Variants in TEX26 observed in about 807,000 individuals in gnomAD.
TEX26 encodes testis expressed 26.
A neutral mutation model predicts 35.3 loss-of-function variants in TEX26; 34 were observed. That is an observed-to-expected ratio of 0.96 (90% CI 0.73 to 1.28). The LOEUF (loss-of-function observed/expected upper bound fraction) is 1.28, where lower values mean the gene tolerates loss of function less well. Among genes scored for constraint, TEX26 ranks in the 50% most tolerant of loss-of-function variants. TEX26 has a pLI of 0.00. For missense variants in TEX26, 371 were observed against 330.1 expected, an observed-to-expected ratio of 1.12 and a Z score of -0.96; for synonymous variants, 136 against 111.8, an observed-to-expected ratio of 1.22 and a Z score of -1.36.
Position 30,952,754 on chromosome 13 carries a change from C to A in TEX26, c.241C>A (p.His81Asn), listed in dbSNP as rs1953977311. The A allele has an allele frequency of 6.2e-7, 1 of 1,612,830 alleles. No individual in the cohort carries two copies. The highest frequency in any genetic ancestry group is 8.5e-7 in the Non-Finnish European group (1 of 1,179,458). ...QYSDEYTWKS[H>N]SKEDLIKTET... ...TAGTGATGAGTACACTTGGAAATCA[C>A]ACTCTAAAGAAGATTTGATCAAAAC... The change falls in exon 3 of 7, where the codon CAC (histidine) becomes AAC (asparagine). Residue 81 changes from histidine (H) to asparagine (N), a missense_variant. His to Asn is a moderately conservative substitution (Grantham distance 68). Coordinates refer to ENST00000380473, the MANE Select transcript of TEX26 (RefSeq NM_152325.3).
chr13:30,943,917 T>C (rs1953606715), intron 2 of TEX26, among the ~76,000 whole-genome samples: 1 of 151,980 alleles, frequency 6.6e-6, no homozygotes. Context: ...GGTCTGTAGT[T>C]TTCTACAGAC....
intron 1 of TEX26, 54 bp downstream of exon 1, chr13:30,932,830 G>A: frequency 6.3e-7 from 1 of 1,588,020 alleles, no homozygotes; most frequent in Non-Finnish European, 8.6e-7. Flanking sequence ...CTTTCCCGGG[G>A]AAAGGGTCCT....
In TEX26 at chr13:30,949,683, T is replaced by A. The variant is rs545926098; in HGVS notation, c.147-2977T>A. On this transcript the variant is annotated intron_variant, in intron 2 of 6. Coordinates refer to ENST00000380473, the MANE Select transcript of TEX26 (RefSeq NM_152325.3). ...AAAATAATGCAATAAAATGTGTAGC[T>A]AAATGTATAAGTTGTTTGTGAAGTG... Among the ~76,000 whole-genome samples, 5 of 152,144 alleles carry A rather than the reference T, an allele frequency of 3.3e-5. No homozygotes were observed. In the South Asian group the frequency reaches 1.0e-3, roughly 32 times the overall value.
intron 1 of TEX26, 77 bp from the exon 2 acceptor site, chr13:30,939,617 T>C: frequency 7.5e-7 from 1 of 1,340,976 alleles, no homozygotes; most frequent in Non-Finnish European, 1.1e-6. Flanking sequence ...CTTGCAAAAT[T>C]ATCTTAATTG....
rs1953513871 is a variant in TEX26 at position 30,941,584 on chromosome 13, C to CTA, written c.146+1806_146+1807insTA. ...TGGTGAGATCTGAGATTTTAGGGTACCCGTAACTAAAGTAGTGTACATTGT... is the reference window on the plus strand; with the variant it reads ...TGGTGAGATCTGAGATTTTAGGGTACTACCGTAACTAAAGTAGTGTACATTGT... On this transcript the variant is annotated intron_variant, in intron 2 of 6. Coordinates refer to ENST00000380473, the MANE Select transcript of TEX26 (RefSeq NM_152325.3). 2.6e-5 allele frequency among the ~76,000 whole-genome samples: 4 copies of CTA among 152,164 alleles called. No individual in the cohort carries two copies. In the South Asian group the frequency reaches 8.3e-4, roughly 32 times the overall value.
In TEX26 at chr13:30,974,905, T is replaced by A; in HGVS notation, c.868T>A (p.Ter290ArgextTer11). The change falls in exon 7 of 7, where the codon TGA becomes AGA. Residue 290 changes from the stop codon to arginine, a stop_lost. Transcript: ENST00000380473. ...CTGTGACACTAACAAAAAGAAGAAATGAAAAGGGAAAATAGTACAAATGAA... is the reference window on the plus strand; with the variant it reads ...CTGTGACACTAACAAAAAGAAGAAAAGAAAAGGGAAAATAGTACAAATGAA... ...THCDTNKKKK* is the reference protein window; with the variant it reads ...THCDTNKKKKR 6.4e-7 allele frequency: 1 copy of A among 1,559,676 alleles called. No homozygotes were observed. Among genetic ancestry groups the A allele is most frequent in the Non-Finnish European group, 8.7e-7 (1 of 1,153,174 alleles).
chr13:30,973,069 G>A (rs542972496), intron 6 of TEX26, among the ~76,000 whole-genome samples: 24 of 152,178 alleles, frequency 1.6e-4, no homozygotes, highest in Non-Finnish European at 2.9e-4. Context: ...ATCCACAAAA[G>A]GACATGTACA....
intron 1 of TEX26, among the ~76,000 whole-genome samples, chr13:30,936,172 T>C (rs1464499182): frequency 1.3e-5 from 2 of 152,178 alleles, no homozygotes; most frequent in Non-Finnish European, 2.9e-5. Context: ...CAAAACAAAG[T>C]GAGGGAATAA....
rs28615439 is a variant in TEX26 at position 30,955,750 on chromosome 13, G to A, written c.313-1123G>A. On this transcript the variant is annotated intron_variant, in intron 3 of 6. Coordinates refer to ENST00000380473, the MANE Select transcript of TEX26 (RefSeq NM_152325.3). The stretch of plus-strand genomic sequence containing the variant: ...AGAGAGAAGTAAGGACTGTTGGAGC[G>A]ATTTGCTGGAGTAGACTCAGTAGAG... Among the ~76,000 whole-genome samples, 1,164 of 152,330 alleles carry A rather than the reference G, an allele frequency of 7.6e-3. 15 individuals are homozygous for A. The highest frequency in any genetic ancestry group is 0.027 in the African/African-American group (1,116 of 41,582).
chr13:30,941,266 A>G (rs532405785), intron 2 of TEX26, among the ~76,000 whole-genome samples: 1 of 152,328 alleles, frequency 6.6e-6, no homozygotes, highest in African/African-American at 2.4e-5. Flanking sequence ...ACAAGGCTAC[A>G]AGATTCCAGA....
chr13:30,973,718 A>G (rs2225504), intron 6 of TEX26, among the ~76,000 whole-genome samples: 1,860 of 152,284 alleles, frequency 0.012, 30 homozygotes, highest in African/African-American at 0.042. Flanking sequence ...CATTTGTGAC[A>G]TTGAGCAGGA....
At chr13:30,958,081 A>T (rs1954203586) in intron 4 of TEX26, among the ~76,000 whole-genome samples, 1 of 152,194 alleles carries the variant, frequency 6.6e-6, no homozygotes, top group Non-Finnish European at 1.5e-5. Context: ...TGCTATGCAG[A>T]TTCCCCTGTG....
intron 3 of TEX26, among the ~76,000 whole-genome samples, chr13:30,953,992 A>T (rs945022588): frequency 2.0e-5 from 3 of 152,182 alleles, no homozygotes; most frequent in Non-Finnish European, 4.4e-5. Context: ...CAGCTGGTGT[A>T]TGCAGATTCT....
intron 1 of TEX26, among the ~76,000 whole-genome samples, chr13:30,934,066 T>C (rs1401586164): frequency 1.3e-5 from 2 of 152,218 alleles, no homozygotes; most frequent in Non-Finnish European, 2.9e-5. Flanking sequence ...ACTTGACATG[T>C]GCAAAATCAC....
At chr13:30,941,615 A>G (rs1449663774) in intron 2 of TEX26, among the ~76,000 whole-genome samples, 3 of 152,146 alleles carry the variant, frequency 2.0e-5, no homozygotes, top group Non-Finnish European at 4.4e-5. Context: ...ATTGTACCCA[A>G]TATGTAATTT....
At chr13:30,973,372 G>GTC in intron 6 of TEX26, 1 of 152,244 alleles carries the variant, frequency 6.6e-6, no homozygotes, top group Non-Finnish European at 1.5e-5. Context: ...CTGTCTTGAA[G>GTC]TAGGGAGTGT....
At chr13:30,957,886 G>A (rs1593584142) in intron 4 of TEX26, among the ~76,000 whole-genome samples, 1 of 152,238 alleles carries the variant, frequency 6.6e-6, no homozygotes, top group East Asian at 1.9e-4. Flanking sequence ...AGAGATACGG[G>A]AGTAATAGGA....
Position 30,959,770 on chromosome 13 carries a change from G to A in TEX26, c.469+2741G>A, listed in dbSNP as rs751255032. Among the ~76,000 whole-genome samples, 22 of 152,270 alleles carry A rather than the reference G, an allele frequency of 1.4e-4. 1 individual carries two copies. The highest frequency in any genetic ancestry group is 2.9e-4 in the Non-Finnish European group (20 of 68,026). On this transcript the variant is annotated intron_variant, in intron 4 of 6. Coordinates refer to ENST00000380473, the MANE Select transcript of TEX26 (RefSeq NM_152325.3). The stretch of plus-strand genomic sequence containing the variant: ...GAGAGAAAAATATTAAAGGAGTAAT[G>A]CAGGAAAAAATTCTCAGAGTTTCTA...
At chr13:30,959,104 T>C (rs928983881) in intron 4 of TEX26, among the ~76,000 whole-genome samples, 4 of 152,188 alleles carry the variant, frequency 2.6e-5, no homozygotes, top group African/African-American at 9.7e-5. Flanking sequence ...CCAGCTAAAA[T>C]TCCTTCAAGA....
Sources: allele counts gnomAD v4.1 joint callset (sites outside exome capture counted in the v4.1 genomes callset), GRCh38; gene constraint gnomAD v4.1.1; transcripts MANE v1.5; gene names NCBI Gene and HGNC (gene_info 2026-07-23, HGNC 2026-07-21).